PTPRB: variants seen among roughly 807,000 people sequenced by gnomAD.
PTPRB encodes the protein protein tyrosine phosphatase receptor type B.
PTPRB carries 97 observed loss-of-function variants against 238.1 expected under a neutral mutation model. That is an observed-to-expected ratio of 0.41 (90% CI 0.35 to 0.48). PTPRB has a LOEUF of 0.48. PTPRB is among the 20% of genes least tolerant of loss of function. The pLI, the probability that PTPRB is intolerant of heterozygous loss-of-function variation, is 0.30. For synonymous variants in PTPRB, 970 were observed against 995.4 expected, an observed-to-expected ratio of 0.97 and a Z score of 0.48; for missense variants, 2,292 against 2,681.9, an observed-to-expected ratio of 0.85 and a Z score of 3.21.
intron 32 of PTPRB, among the ~76,000 whole-genome samples, chr12:70,525,125 C>T (rs1055703294): frequency 6.6e-6 from 1 of 152,040 alleles, no homozygotes; most frequent in Non-Finnish European, 1.5e-5. Flanking sequence ...TTAATGATTT[C>T]AAAAACCTTG....
chr12:70,580,010 T>C (rs1401224000), intron 10 of PTPRB, among the ~76,000 whole-genome samples: 1 of 152,116 alleles, frequency 6.6e-6, no homozygotes, highest in African/African-American at 2.4e-5. Context: ...AAGGTCCCAC[T>C]AATAATTATC....
chr12:70,564,819 C>T lies in PTPRB; in HGVS notation c.3904+1616G>A, dbSNP rs141520724. On this transcript the variant is annotated intron_variant, in intron 15 of 33. Coordinates refer to ENST00000334414, the MANE Select transcript of PTPRB (RefSeq NM_001109754.4). Reference sequence around the variant, plus strand: ...CTGCACTCCATCCTGGGTGCCAGAGCGAGGTTCTGTCTCCAAAAATAATAA... The same window carrying T: ...CTGCACTCCATCCTGGGTGCCAGAGTGAGGTTCTGTCTCCAAAAATAATAA... 1.6e-3 allele frequency among the ~76,000 whole-genome samples: 219 copies of T among 136,688 alleles called. 1 individual carries two copies. Among genetic ancestry groups the T allele is most frequent in the East Asian group, 0.015 (67 of 4,572 alleles). 89.7% of individuals were successfully genotyped at this position (136,688 alleles called of 152,430 possible).
chr12:70,536,717 T>C (rs986994747), intron 28 of PTPRB, among the ~76,000 whole-genome samples: 1 of 152,200 alleles, frequency 6.6e-6, no homozygotes, highest in Admixed American at 6.5e-5. Context: ...AGCAATTCCT[T>C]GTCAATTCTA....
chr12:70,622,540 C>T lies in PTPRB; in HGVS notation c.558G>A (p.Arg186=), dbSNP rs745561529. ...TTCTGATGAAGGCCTCTGTGGTATT[C>T]CTAATAAGGAATACCAGGCCATCTG... ...AVPDGLVFLI[R]NTTEAFIRNA... Residue 186 remains arginine (R), a synonymous_variant, in exon 3 of 34, where the codon AGG becomes AGA. Coordinates refer to ENST00000334414, the MANE Select transcript of PTPRB (RefSeq NM_001109754.4). 12 of 1,610,348 alleles carry T rather than the reference C, an allele frequency of 7.5e-6. No individual in the cohort carries two copies. In the South Asian group the frequency reaches 1.3e-4, roughly 18 times the overall value.
At chr12:70,625,468 A>G (rs763464001) in intron 2 of PTPRB, among the ~76,000 whole-genome samples, 2 of 152,176 alleles carry the variant, frequency 1.3e-5, no homozygotes, top group Non-Finnish European at 2.9e-5. Context: ...AGAAATTTGA[A>G]TCATTTCTTA....
At chr12:70,562,283 C>T (rs1397843705) in intron 16 of PTPRB, among the ~76,000 whole-genome samples, 1 of 150,960 alleles carries the variant, frequency 6.6e-6, no homozygotes, top group Non-Finnish European at 1.5e-5. Flanking sequence ...GAACTCGTCC[C>T]CCCCCAAAAC....
chr12:70,537,589 TATC>T (rs1049827481), intron 28 of PTPRB, among the ~76,000 whole-genome samples: 88 of 152,320 alleles, frequency 5.8e-4, no homozygotes, highest in African/African-American at 2.0e-3. Context: ...TAAATATTAT[TATC>T]ATCAGTTTTT....
At chr12:70,544,421 T>C (rs1205886299) in intron 22 of PTPRB, 136 bp downstream of exon 22, 4 of 639,768 alleles carry the variant, frequency 6.3e-6, no homozygotes, top group Non-Finnish European at 1.1e-5. Flanking sequence ...TTGATCCACA[T>C]CAATTTTTGG....
At chr12:70,576,357 G>C in intron 11 of PTPRB, 25 bp downstream of exon 11, 1 of 1,607,202 alleles carries the variant, frequency 6.2e-7, no homozygotes, top group East Asian at 2.2e-5. Flanking sequence ...TTCTTACGGA[G>C]CCCTGAACCT....
In PTPRB at chr12:70,592,471, G is replaced by A. The variant is rs1422949341; in HGVS notation, c.1591C>T (p.Pro531Ser). ...LTSLKVKWQR[P>S]PGNVDSYNIT... is the part of the protein sequence containing the mutation. ...TTGTAAGAATCCACATTTCCAGGAG[G>A]TCTTTGCCATTTGACTTTTAGAGAG... Residue 531 changes from proline (P) to serine (S), a missense_variant, in exon 7 of 34, where the codon CCT becomes TCT. Pro to Ser is a moderately conservative substitution (Grantham distance 74). Coordinates refer to ENST00000334414, the MANE Select transcript of PTPRB (RefSeq NM_001109754.4). The A allele has an allele frequency of 1.9e-6, 3 of 1,613,678 alleles. No individual in the cohort carries two copies. Among genetic ancestry groups the A allele is most frequent in the Admixed American group, 1.7e-5 (1 of 59,980 alleles).
intron 4 of PTPRB, among the ~76,000 whole-genome samples, chr12:70,598,177 C>A (rs1318969569): frequency 6.6e-6 from 1 of 152,146 alleles, no homozygotes; most frequent in Non-Finnish European, 1.5e-5. Context: ...GAATTGGGCT[C>A]TCCTATTTGT....
At chr12:70,528,530 A>T (rs905985657) in intron 32 of PTPRB, among the ~76,000 whole-genome samples, 8 of 152,102 alleles carry the variant, frequency 5.3e-5, no homozygotes, top group African/African-American at 1.7e-4. Flanking sequence ...CTCCAAGGGA[A>T]GGAAAGGACT....
intron 5 of PTPRB, among the ~76,000 whole-genome samples, chr12:70,595,323 T>C (rs190109912): frequency 1.8e-4 from 28 of 152,116 alleles, no homozygotes; most frequent in Non-Finnish European, 2.8e-4. Context: ...AAGGAAGGGA[T>C]AGCATTAGGA....
rs1871227094 is a variant in PTPRB, at chr12:70,516,778, A to C, written c.*4711T>G. ...TGGTGTCTTATATAAGATCATGTGA[A>C]TTGGCATAGAGGTTATAAAAATAAT... On this transcript the variant is annotated 3_prime_UTR_variant, in exon 34 of 34. Coordinates refer to ENST00000334414, the MANE Select transcript of PTPRB (RefSeq NM_001109754.4). 1 of 152,218 alleles carries C rather than the reference A, an allele frequency of 6.6e-6. No individual in the cohort carries two copies. The highest frequency in any genetic ancestry group is 2.1e-4 in the South Asian group (1 of 4,834). The allele number at this position is 152,218 out of a possible 1,614,324, so 9.4% of individuals were successfully genotyped here.
chr12:70,528,056 C>T (rs1872664960), intron 32 of PTPRB, among the ~76,000 whole-genome samples: 1 of 152,112 alleles, frequency 6.6e-6, no homozygotes. Context: ...ATGGCAAAAA[C>T]CGTGACTACT....
intron 10 of PTPRB, among the ~76,000 whole-genome samples, chr12:70,576,890 T>C (rs1310177403): frequency 1.3e-5 from 2 of 152,086 alleles, no homozygotes; most frequent in African/African-American, 2.4e-5. Flanking sequence ...GGATGCCTCG[T>C]AAATACAAGG....
chr12:70,546,652 G>A (rs898061364), intron 21 of PTPRB, among the ~76,000 whole-genome samples: 1 of 152,240 alleles, frequency 6.6e-6, no homozygotes, highest in Admixed American at 6.5e-5. Flanking sequence ...ATTAGGCTCT[G>A]TAGGCTGAAT....
Position 70,518,421 on chromosome 12 carries a change from C to A in PTPRB, c.*3068G>T, listed in dbSNP as rs1229638406. Reference sequence around the variant, plus strand: ...CTCCAGCCTGGGCAACAGAGCAAGACTTCATTTCAAAAAAAAGTGAAATTA... The same window carrying A: ...CTCCAGCCTGGGCAACAGAGCAAGAATTCATTTCAAAAAAAAGTGAAATTA... On this transcript the variant is annotated 3_prime_UTR_variant, in exon 34 of 34. Transcript: ENST00000334414. 1.5e-5 allele frequency: 2 copies of A among 134,160 alleles called. No homozygotes were observed. Among genetic ancestry groups the A allele is most frequent in the Non-Finnish European group, 3.2e-5 (2 of 62,532 alleles). The allele number at this position is 134,160 out of a possible 1,614,324, so 8.3% of individuals were successfully genotyped here. A position where few individuals can be genotyped will look rare whatever the true frequency, so the allele number is the denominator to read the frequency against.
At chr12:70,547,092 C>A (rs763404277) in intron 21 of PTPRB, among the ~76,000 whole-genome samples, 1 of 151,572 alleles carries the variant, frequency 6.6e-6, no homozygotes, top group East Asian at 1.9e-4. Context: ...AATGCTGAAG[C>A]GGTACTAGGC....
Sources: allele counts gnomAD v4.1 joint callset (sites outside exome capture counted in the v4.1 genomes callset), GRCh38; gene constraint gnomAD v4.1.1; transcripts MANE v1.5; gene names NCBI Gene and HGNC (gene_info 2026-07-23, HGNC 2026-07-21).